The following SIPA1L3 variants were observed in gnomAD, a reference collection of about 807,000 sequenced individuals.
SIPA1L3 encodes the protein signal induced proliferation associated 1 like 3, also known as signal-induced proliferation-associated 1-like protein 3.
SIPA1L3 carries 59 observed loss-of-function variants against 150.1 expected under a neutral mutation model. The observed-to-expected ratio is 0.39, with a 90% CI of 0.32 to 0.49. The LOEUF (loss-of-function observed/expected upper bound fraction) is 0.49, where lower values mean the gene tolerates loss of function less well. SIPA1L3 is among the 20% of genes least tolerant of loss of function. SIPA1L3 has a pLI of 0.86. For synonymous variants in SIPA1L3, 1,070 were observed against 1,077.6 expected (o/e 0.99, Z 0.14); for missense variants, 2,211 against 2,489.5 (o/e 0.89, Z 2.38).
At chr19:37,971,188 C>T (rs1254999872) in intron 1 of SIPA1L3, among the ~76,000 whole-genome samples, 1 of 151,886 alleles carries the variant, frequency 6.6e-6, no homozygotes, top group African/African-American at 2.4e-5. Flanking sequence ...ACTCTGTTGC[C>T]CAGGCAGGTC....
chr19:38,153,669 CAAAA>C (rs11309008), intron 13 of SIPA1L3, among the ~76,000 whole-genome samples: 3 of 115,224 alleles, frequency 2.6e-5, no homozygotes, highest in Admixed American at 9.3e-5. Flanking sequence ...GATTCTGTCT[CAAAA>C]AAAAAAAAAA....
At chr19:38,005,297 T>C (rs1309523967) in intron 1 of SIPA1L3, among the ~76,000 whole-genome samples, 2 of 152,132 alleles carry the variant, frequency 1.3e-5, no homozygotes, top group East Asian at 1.9e-4. Context: ...GGCCAGCTCT[T>C]CAGTGTGGCC....
intron 13 of SIPA1L3, among the ~76,000 whole-genome samples, chr19:38,153,683 A>G (rs1971878492): frequency 6.7e-6 from 1 of 148,840 alleles, no homozygotes; most frequent in Middle Eastern, 3.2e-3. Context: ...AAAAAAAAAA[A>G]AAGAGGCCAG....
chr19:37,957,299 C>G (rs2046819454), intron 1 of SIPA1L3, among the ~76,000 whole-genome samples: 1 of 152,172 alleles, frequency 6.6e-6, no homozygotes, highest in Non-Finnish European at 1.5e-5. Flanking sequence ...ATCACCTTGT[C>G]AATATCTGCA....
In SIPA1L3 at chr19:38,174,273, G is replaced by A. The variant is rs553957741; in HGVS notation, c.4209-8246G>A. Among the ~76,000 whole-genome samples, 3 of 152,302 alleles carry A rather than the reference G, an allele frequency of 2.0e-5. No homozygotes were observed. The South Asian group carries it at 6.2e-4, about 32-fold the overall frequency. On this transcript the variant is annotated intron_variant, in intron 15 of 21. Coordinates refer to ENST00000222345, the MANE Select transcript of SIPA1L3 (RefSeq NM_015073.3). Reference sequence around the variant, plus strand: ...CCCCACAGGCCACAGGGGCAATGTGGCTGCTTACGGCTCCTACACTGGAGC... The same window carrying A: ...CCCCACAGGCCACAGGGGCAATGTGACTGCTTACGGCTCCTACACTGGAGC...
chr19:38,176,333 G>C (rs1482164855), intron 15 of SIPA1L3, among the ~76,000 whole-genome samples: 1 of 151,778 alleles, frequency 6.6e-6, no homozygotes, highest in East Asian at 1.9e-4. Flanking sequence ...TTTTTACCCT[G>C]TGCCATTTAT....
At chr19:38,007,384 C>G (rs1293563844) in intron 1 of SIPA1L3, among the ~76,000 whole-genome samples, 3 of 141,754 alleles carry the variant, frequency 2.1e-5, no homozygotes, top group African/African-American at 8.0e-5. Flanking sequence ...ACCCGGGAGG[C>G]GGAGGTTGCG....
intron 2 of SIPA1L3, among the ~76,000 whole-genome samples, chr19:38,041,374 G>A (rs1048928732): frequency 5.3e-5 from 8 of 151,134 alleles, no homozygotes; most frequent in Admixed American, 4.0e-4. Flanking sequence ...CGCCTCCCGG[G>A]TTCAAGCGAT....
intron 1 of SIPA1L3, among the ~76,000 whole-genome samples, chr19:38,014,318 AACTAAGCGG>A (rs1968176830): frequency 6.6e-6 from 1 of 152,160 alleles, no homozygotes; most frequent in Non-Finnish European, 1.5e-5. Context: ...TGGTGGGATG[AACTAAGCGG>A]AGTTTGGTGA....
intron 8 of SIPA1L3, among the ~76,000 whole-genome samples, chr19:38,114,657 G>A (rs1022231651): frequency 2.6e-5 from 4 of 152,172 alleles, no homozygotes; most frequent in Non-Finnish European, 5.9e-5. Flanking sequence ...TTAAAACTAT[G>A]CCCACCATAC....
intron 18 of SIPA1L3, among the ~76,000 whole-genome samples, chr19:38,194,132 C>G (rs1972868966): frequency 6.6e-6 from 1 of 151,404 alleles, no homozygotes; most frequent in African/African-American, 2.4e-5. Context: ...CCACCCATTC[C>G]AGCTCTAAGC....
intron 8 of SIPA1L3, among the ~76,000 whole-genome samples, chr19:38,112,598 T>C (rs1487159589): frequency 3.3e-5 from 5 of 152,224 alleles, no homozygotes; most frequent in African/African-American, 1.2e-4. Context: ...TTCTGAAAAA[T>C]GCAGAAAATC....
At chr19:38,158,755 C>T (rs1972007915) in intron 13 of SIPA1L3, among the ~76,000 whole-genome samples, 1 of 152,214 alleles carries the variant, frequency 6.6e-6, no homozygotes, top group Non-Finnish European at 1.5e-5. Context: ...TTGGCCACAG[C>T]AGCTGAAAGG....
intron 2 of SIPA1L3, among the ~76,000 whole-genome samples, chr19:38,066,564 G>T (rs753296455): frequency 3.3e-5 from 5 of 152,214 alleles, no homozygotes; most frequent in Non-Finnish European, 5.9e-5. Context: ...GGTGGCTCAC[G>T]CCTGTAATCC....
intron 2 of SIPA1L3, among the ~76,000 whole-genome samples, chr19:38,044,405 C>T (rs751330771): frequency 6.6e-6 from 1 of 151,916 alleles, no homozygotes. Context: ...CGAAGCTGTG[C>T]GGAGAGACGG....
chr19:37,966,238 T>C (rs1312656389), intron 1 of SIPA1L3, among the ~76,000 whole-genome samples: 1 of 152,250 alleles, frequency 6.6e-6, no homozygotes, highest in Non-Finnish European at 1.5e-5. Flanking sequence ...GAATCGGCAC[T>C]GCAGGGAGCT....
intron 1 of SIPA1L3, among the ~76,000 whole-genome samples, chr19:37,913,812 C>A (rs913132768): frequency 8.0e-5 from 12 of 150,348 alleles, no homozygotes; most frequent in Non-Finnish European, 3.0e-5. Context: ...GTCAGGAGAT[C>A]GAGACCATCC....
At chr19:37,999,256 C>T (rs557165683) in intron 1 of SIPA1L3, among the ~76,000 whole-genome samples, 4 of 152,306 alleles carry the variant, frequency 2.6e-5, no homozygotes, top group Non-Finnish European at 4.4e-5. Context: ...CCAAACCCCC[C>T]AGTGACTGAC....
chr19:38,166,685 C>T (rs1235861942), intron 15 of SIPA1L3, among the ~76,000 whole-genome samples: 1 of 152,080 alleles, frequency 6.6e-6, no homozygotes, highest in African/African-American at 2.4e-5. Context: ...CCAGTGCCAG[C>T]CCCTGAGTCC....
Sources: gnomAD v4.1 joint callset for allele counts (sites outside exome capture counted in the v4.1 genomes callset) on GRCh38, gnomAD v4.1.1 for gene constraint, MANE v1.5 for transcripts, NCBI Gene and HGNC (gene_info 2026-07-23, HGNC 2026-07-21) for gene names.